Variants in CROCC2 observed in about 807,000 individuals in gnomAD.
The protein encoded by CROCC2 is ciliary rootlet coiled-coil, rootletin family member 2.
CROCC2 carries 163 observed loss-of-function variants against 177.6 expected under a neutral mutation model. The ratio of observed to expected loss-of-function variants is 0.92; its 90% CI spans 0.81 to 1.05. The LOEUF (loss-of-function observed/expected upper bound fraction) is 1.05, where lower values mean the gene tolerates loss of function less well. CROCC2 is among the 50% of genes least tolerant of loss of function. CROCC2 has a pLI of 0.00. For synonymous variants in CROCC2, 904 were observed against 787.3 expected, an observed-to-expected ratio of 1.15 and a Z score of -2.48; for missense variants, 1,929 against 1,797.8, an observed-to-expected ratio of 1.07 and a Z score of -1.32.
Position 240,993,242 on chromosome 2 carries a change from A to G in CROCC2, c.*161A>G, listed in dbSNP as rs1234057418. 7 of 565,824 alleles carry G rather than the reference A, an allele frequency of 1.2e-5. No homozygotes were observed. The highest frequency in any genetic ancestry group is 1.9e-5 in the Non-Finnish European group (6 of 308,386). The allele number at this position is 565,824 out of a possible 1,614,324, so 35.1% of individuals were successfully genotyped here. A position where few individuals can be genotyped will look rare whatever the true frequency, so the allele number is the denominator to read the frequency against. ...AGGACCCTCCTTGCCCTGGCTGCTC[A>G]TGGGGAACATTTGAAATGCATGTGG... On this transcript the variant is annotated 3_prime_UTR_variant, in exon 32 of 32. Transcript: ENST00000690015.
rs1574758487 is a variant in CROCC2 at position 240,932,846 on chromosome 2, A to G, written c.1189A>G (p.Thr397Ala). ...ASPPHICSPA[T>A]LDPALQAMRA... is the part of the protein sequence containing the mutation. ...CCCACCACACATCTGCTCCCCAGCC[A>G]CCCTGGACCCCGCACTGCAGGCCAT... Residue 397 changes from threonine (T) to alanine (A), a missense_variant, in exon 9 of 32, where the codon ACC becomes GCC. Thr to Ala is a moderately conservative substitution (Grantham distance 58). Around this residue, in one of 3 missense-constraint regions of CROCC2, gnomAD observed 1,397 missense variants for 1,239.9 expected, o/e 1.13. Coordinates refer to ENST00000690015, the MANE Select transcript of CROCC2 (RefSeq NM_001351305.2). The G allele has an allele frequency of 2.6e-6, 4 of 1,545,366 alleles. No individual in the cohort carries two copies. Among genetic ancestry groups the G allele is most frequent in the Non-Finnish European group, 3.5e-6 (4 of 1,144,648 alleles).
intron 28 of CROCC2, chr2:240,983,532 C>T (rs1336267710): frequency 1.6e-6 from 2 of 1,262,986 alleles, no homozygotes; most frequent in Non-Finnish European, 1.0e-6. Context: ...ACCGAGCGGG[C>T]GCGTCTGCAG....
Position 240,969,077 on chromosome 2 carries a change from C to A in CROCC2, c.4401+815C>A, listed in dbSNP as rs1292136281. On this transcript the variant is annotated intron_variant, in intron 27 of 31. Coordinates refer to ENST00000690015, the MANE Select transcript of CROCC2 (RefSeq NM_001351305.2). ...CCCCAGGGCAACTGCCCCCAGGCGTCCCTCAACCCATTCTGGAAAGAGGGG... is the reference window on the plus strand; with the variant it reads ...CCCCAGGGCAACTGCCCCCAGGCGTACCTCAACCCATTCTGGAAAGAGGGG... 3.3e-5 allele frequency among the ~76,000 whole-genome samples: 5 copies of A among 152,240 alleles called. 1 individual carries two copies. The highest frequency in any genetic ancestry group is 3.3e-4 in the Admixed American group (5 of 15,292).
At chr2:240,929,317 C>T (rs1177085180) in intron 5 of CROCC2, among the ~76,000 whole-genome samples, 1 of 152,050 alleles carries the variant, frequency 6.6e-6, no homozygotes, top group Non-Finnish European at 1.5e-5. Flanking sequence ...CCTGGAGGAG[C>T]AGGGGTGGGG....
rs1022378402 is a variant in CROCC2 at position 240,953,513 on chromosome 2, G to A, written c.2830-2346G>A. ...TGGACCCACAGCAGAACCACAATAA[G>A]GGGCACCCCAGGGGCACAGCACAGA... On this transcript the variant is annotated intron_variant, in intron 18 of 31. Coordinates refer to ENST00000690015, the MANE Select transcript of CROCC2 (RefSeq NM_001351305.2). This position sits in a 1 kb window ranked among gnomAD's most constrained non-coding sequence, Gnocchi z 4.0. 3.9e-5 allele frequency among the ~76,000 whole-genome samples: 6 copies of A among 152,176 alleles called. No homozygotes were observed. Among genetic ancestry groups the A allele is most frequent in the African/African-American group, 1.4e-4 (6 of 41,544 alleles).
At chr2:240,929,322 G>A (rs1379366990) in intron 5 of CROCC2, among the ~76,000 whole-genome samples, 1 of 152,140 alleles carries the variant, frequency 6.6e-6, no homozygotes, top group Non-Finnish European at 1.5e-5. Flanking sequence ...AGGAGCAGGG[G>A]TGGGGCTGTC....
In CROCC2 at chr2:240,958,535, G is replaced by T. The variant is rs1376740971; in HGVS notation, c.2944-766G>T. On this transcript the variant is annotated intron_variant, in intron 19 of 31. Transcript: ENST00000690015. The surrounding 1 kb of genome is among the most constrained non-coding windows in gnomAD (Gnocchi z 6.7). ...GCCATGTGGGCACCTGTGCCCCCAG[G>T]AACACAAAGCCAGCTCTGGAGGGAG... 7 of 983,002 alleles carry T rather than the reference G, an allele frequency of 7.1e-6. No individual in the cohort carries two copies. Among genetic ancestry groups the T allele is most frequent in the African/African-American group, 1.7e-5 (1 of 57,188 alleles). The allele number at this position is 983,002 out of a possible 1,614,324, so 60.9% of individuals were successfully genotyped here.
chr2:240,952,942 G>T (rs949301927), intron 18 of CROCC2, among the ~76,000 whole-genome samples: 17 of 152,138 alleles, frequency 1.1e-4, no homozygotes, highest in African/African-American at 3.9e-4. Flanking sequence ...GGATATATGA[G>T]AAAAGAGGCT....
intron 20 of CROCC2, among the ~76,000 whole-genome samples, chr2:240,962,671 T>C (rs2059651389): frequency 6.6e-6 from 1 of 152,218 alleles, no homozygotes; most frequent in Admixed American, 6.5e-5. Context: ...CTTCCATCTC[T>C]GGGCATGCCC....
chr2:240,918,621 GCCTTGGGGT>G lies in CROCC2; in HGVS notation c.79-104_79-96del, dbSNP rs2059335102. The G allele has an allele frequency of 8.1e-6, 4 of 492,436 alleles. No individual in the cohort carries two copies. In the South Asian group the frequency reaches 1.2e-4, roughly 14 times the overall value. The allele number at this position is 492,436 out of a possible 1,614,324, so 30.5% of individuals were successfully genotyped here. ...CCTGTCCTCTCCAGGGCACTCTGCTGCCTTGGGGTGGCCCTGTGGCGGCTCCCATTCAGT... is the reference window on the plus strand; with the variant it reads ...CCTGTCCTCTCCAGGGCACTCTGCTGGGCCCTGTGGCGGCTCCCATTCAGT... On this transcript the variant is annotated intron_variant, in intron 1 of 31. Coordinates refer to ENST00000690015, the MANE Select transcript of CROCC2 (RefSeq NM_001351305.2). This position sits in a 1 kb window ranked among gnomAD's most constrained non-coding sequence, Gnocchi z 6.3.
At chr2:240,907,718 GGGGTGAGCTCTACCTCCTCCACCTC>G (rs1429698145) in intron 1 of CROCC2, among the ~76,000 whole-genome samples, 51,976 of 145,658 alleles carry the variant, frequency 0.36, 9,222 homozygotes, top group Admixed American at 0.42. Flanking sequence ...TCCTCCACCT[GGGGTGAGCTCTACCTCCTCCACCTC>G]GGGTGACCTC....
chr2:240,932,962 G>T, intron 9 of CROCC2, 54 bp downstream of exon 9: 1 of 1,531,522 alleles, frequency 6.5e-7, no homozygotes. Context: ...AGAAACATGA[G>T]CCCCTCAGGC....
At chr2:240,991,065 G>C in intron 30 of CROCC2, 131 bp from the exon 31 acceptor site, 1 of 589,760 alleles carries the variant, frequency 1.7e-6, no homozygotes, top group Non-Finnish European at 2.9e-6. Context: ...TCCCATGCAT[G>C]CCACCTCTCC....
chr2:240,959,472 G>A (rs1166724740), intron 20 of CROCC2, 28 bp downstream of exon 20: 5 of 1,547,492 alleles, frequency 3.2e-6, no homozygotes, highest in Admixed American at 2.0e-5. Context: ...GGGGCTCCTG[G>A]GGATGCCAGA....
At chr2:240,927,812 G>A (rs148393240) in intron 5 of CROCC2, among the ~76,000 whole-genome samples, 103 of 152,272 alleles carry the variant, frequency 6.8e-4, no homozygotes, top group Middle Eastern at 3.4e-3. Flanking sequence ...CACCACGCCT[G>A]GATAATTTTT....
At chr2:240,915,008 G>A (rs1219758449) in intron 1 of CROCC2, among the ~76,000 whole-genome samples, 5 of 152,190 alleles carry the variant, frequency 3.3e-5, no homozygotes, top group Non-Finnish European at 5.9e-5. Flanking sequence ...CGGGTTTTTC[G>A]GTGCAGACCT....
At chr2:240,925,641 A>G in intron 4 of CROCC2, 83 bp from the exon 5 acceptor site, 2 of 629,118 alleles carry the variant, frequency 3.2e-6, no homozygotes, top group Admixed American at 2.8e-5. Flanking sequence ...GGTTCCATTC[A>G]AGCCCCTTGA....
chr2:240,947,955 C>T (rs1030300855), intron 15 of CROCC2, among the ~76,000 whole-genome samples: 2 of 152,126 alleles, frequency 1.3e-5, no homozygotes, highest in Non-Finnish European at 2.9e-5. Flanking sequence ...GCTGGGCACA[C>T]GCTCAGGTCC....
At chr2:240,986,833 T>C (rs1327442783) in intron 28 of CROCC2, among the ~76,000 whole-genome samples, 1 of 152,134 alleles carries the variant, frequency 6.6e-6, no homozygotes, top group Non-Finnish European at 1.5e-5. Context: ...AGCCCCCTTC[T>C]GGGAGTAGGC....
Sources: gnomAD v4.1 joint callset for allele counts (sites outside exome capture counted in the v4.1 genomes callset) on GRCh38, gnomAD v4.1.1 for gene constraint, gnomAD v4.1.1 regional missense constraint, Gnocchi (gnomAD v3.1) non-coding constraint, MANE v1.5 for transcripts, NCBI Gene and HGNC (gene_info 2026-07-23, HGNC 2026-07-21) for gene names.